TNS2: variants seen among roughly 807,000 people sequenced by gnomAD.
TNS2 encodes tensin-2.
A neutral mutation model predicts 155.7 loss-of-function variants in TNS2; 77 were observed. The observed-to-expected ratio is 0.49, with a 90% CI of 0.41 to 0.60. TNS2 has a LOEUF of 0.60. Among genes scored for constraint, TNS2 ranks in the 20% least tolerant of loss-of-function variants. The pLI, the probability that TNS2 is intolerant of heterozygous loss-of-function variation, is 0.00. For synonymous variants in TNS2, 726 were observed against 763.9 expected, an observed-to-expected ratio of 0.95 and a Z score of 0.82; for missense variants, 1,703 against 1,868.8, an observed-to-expected ratio of 0.91 and a Z score of 1.64.
intron 25 of TNS2, 106 bp downstream of exon 25, chr12:53,062,803 C>A: frequency 1.5e-6 from 2 of 1,373,420 alleles, no homozygotes; most frequent in Non-Finnish European, 2.0e-6. Context: ...GAGCCCTGGC[C>A]AACCCATGAG....
rs755894983 is a variant in TNS2, at chr12:53,061,248, T to C, written c.3342T>C (p.Asn1114=). Residue 1114 remains asparagine (N), a synonymous_variant, in exon 20 of 29, where the codon AAT becomes AAC. Transcript: ENST00000314250. ...HVTFAPLLSD[N]VPQTPEPPTQ... is the part of the protein sequence containing the mutation. ...CCTTCGCACCTCTGCTCTCAGATAA[T>C]GTCCCCCAAACCCCAGGTATAAAGG... The C allele has an allele frequency of 1.3e-6, 2 of 1,568,724 alleles. No homozygotes were observed. Among genetic ancestry groups the C allele is most frequent in the Non-Finnish European group, 1.7e-6 (2 of 1,157,500 alleles).
chr12:53,049,965 C>T, upstream of TNS2: 1 of 1,204,442 alleles, frequency 8.3e-7, no homozygotes, highest in Non-Finnish European at 1.1e-6. Flanking sequence ...TCCTGGCCTC[C>T]CCCACATCCT....
At chr12:53,057,516 G>A in intron 11 of TNS2, 51 bp from the exon 12 acceptor site, 1 of 1,349,010 alleles carries the variant, frequency 7.4e-7, no homozygotes, top group Middle Eastern at 1.8e-4. Context: ...ATGATACAAG[G>A]TGACCTCCAG....
In TNS2 at chr12:53,059,596, A is replaced by G. The variant is rs139615384; in HGVS notation, c.1955A>G (p.Tyr652Cys). Residue 652 changes from tyrosine to cysteine, a missense_variant, in exon 18 of 29, where the codon TAC becomes TGC. Transcript: ENST00000314250. The surrounding 1 kb of genome is among the most constrained non-coding windows in gnomAD (Gnocchi z 4.7). ...TGCCGATCGCTGTCAGAGGGGCTAT[A>G]CCCCTACCCACCTGAGATGGGGAAA... ...RLCRSLSEGL[Y>C]PYPPEMGKPA... The G allele has an allele frequency of 1.9e-6, 3 of 1,610,950 alleles. No homozygotes were observed. In the East Asian group the frequency reaches 6.7e-5, roughly 36 times the overall value.
chr12:53,058,831 C>G lies in TNS2; in HGVS notation c.1405+4C>G, dbSNP rs763021931. On this transcript the variant is annotated splice_donor_region_variant and intron_variant, in intron 17 of 28. Transcript: ENST00000314250. ...CACCACGAGGACAGTGTGGATGGTGCGCAGGCAGCCTGCAGGGTGGGAGGT... is the reference window on the plus strand; with the variant it reads ...CACCACGAGGACAGTGTGGATGGTGGGCAGGCAGCCTGCAGGGTGGGAGGT... 3.7e-6 allele frequency: 6 copies of G among 1,612,484 alleles called. No individual in the cohort carries two copies. The highest frequency in any genetic ancestry group is 5.1e-6 in the Non-Finnish European group (6 of 1,179,672).
rs752379658 is a variant in TNS2, at chr12:53,063,231, C to T, written c.3966C>T (p.Gly1322=). ...AVVHFKVSAQ[G]ITLTDNQRKL... ...TCCACTTCAAGGTGTCAGCCCAGGGCATTACACTGACGGACAACCAAAGGA... is the reference window on the plus strand; with the variant it reads ...TCCACTTCAAGGTGTCAGCCCAGGGTATTACACTGACGGACAACCAAAGGA... Residue 1322 remains glycine, a synonymous_variant, in exon 26 of 29, where the codon GGC becomes GGT. Coordinates refer to ENST00000314250, the MANE Select transcript of TNS2 (RefSeq NM_170754.4). The surrounding 1 kb of genome is among the most constrained non-coding windows in gnomAD (Gnocchi z 5.6). 6.2e-6 allele frequency: 10 copies of T among 1,612,622 alleles called. No homozygotes were observed. In the Admixed American group the frequency reaches 1.5e-4, roughly 24 times the overall value.
chr12:53,052,404 C>T, intron 2 of TNS2, 51 bp from the exon 3 acceptor site: 3 of 1,610,614 alleles, frequency 1.9e-6, no homozygotes, highest in Non-Finnish European at 2.5e-6. Flanking sequence ...CCATTCCTTC[C>T]ACTGTCCCAC....
chr12:53,061,111 A>T lies in TNS2; in HGVS notation c.3205A>T (p.Ser1069Cys). ...TGCCTCCTATGACACCAATGGCCTT[A>T]GCCAGCCCCCACTTCCTGAGAAACG... ...LAASYDTNGL[S>C]QPPLPEKRHL... Residue 1069 changes from serine (S) to cysteine (C), a missense_variant, in exon 20 of 29, where the codon AGC (serine) becomes TGC (cysteine). Physicochemically the swap from Ser to Cys is moderately radical, Grantham distance 112. Coordinates refer to ENST00000314250, the MANE Select transcript of TNS2 (RefSeq NM_170754.4). 1 of 1,611,166 alleles carries T rather than the reference A, an allele frequency of 6.2e-7. No homozygotes were observed. The highest frequency in any genetic ancestry group is 8.5e-7 in the Non-Finnish European group (1 of 1,178,642).
chr12:53,049,261 C>T, upstream of TNS2: 1 of 1,603,196 alleles, frequency 6.2e-7, no homozygotes, highest in Non-Finnish European at 8.5e-7. Flanking sequence ...AGTACTCAGG[C>T]TTCGGGGTTG....
Position 53,063,916 on chromosome 12 carries a change from C to A in TNS2, c.*34C>A, listed in dbSNP as rs1162430959. The A allele has an allele frequency of 3.1e-6, 5 of 1,608,422 alleles. No homozygotes were observed. The highest frequency in any genetic ancestry group is 2.5e-6 in the Non-Finnish European group (3 of 1,176,504). On this transcript the variant is annotated 3_prime_UTR_variant, in exon 29 of 29. Transcript: ENST00000314250. This position sits in a 1 kb window ranked among gnomAD's most constrained non-coding sequence, Gnocchi z 5.6. ...CACAAGCTCAGAGCCCACATCAACA[C>A]TGCCCCCCTCCCAGCACCCCACAGC...
intron 21 of TNS2, 102 bp downstream of exon 21, chr12:53,061,571 G>A: frequency 1.4e-6 from 2 of 1,414,408 alleles, no homozygotes; most frequent in Non-Finnish European, 2.0e-6. Flanking sequence ...CCTCCTGTCT[G>A]AGCTGTGTTT....
chr12:53,048,516 A>G (rs147244457), upstream of TNS2, among the ~76,000 whole-genome samples: 2 of 152,312 alleles, frequency 1.3e-5, no homozygotes, highest in African/African-American at 4.8e-5. Flanking sequence ...CGACAAGGCC[A>G]GGCCCGGTTG....
intron 7 of TNS2, 103 bp from the exon 8 acceptor site, chr12:53,055,083 C>T: frequency 7.2e-7 from 1 of 1,381,294 alleles, no homozygotes; most frequent in Non-Finnish European, 1.0e-6. Context: ...TGCGACCGGC[C>T]TGCACCTTAT....
chr12:53,058,399 A>G lies in TNS2; in HGVS notation c.1179A>G (p.Gly393=). The part of the protein sequence containing the change: ...RVQFHTCTIH[G]PQLTFPKDQL... ...AGTTCCACACCTGCACCATCCACGG[A>G]CCACAGCTCACTTTCCCCAAGGACC... The change falls in exon 15 of 29, where the codon GGA becomes GGG. Residue 393 remains glycine, a synonymous_variant. Coordinates refer to ENST00000314250, the MANE Select transcript of TNS2 (RefSeq NM_170754.4). 6.2e-7 allele frequency: 1 copy of G among 1,614,120 alleles called. No individual in the cohort carries two copies. The highest frequency in any genetic ancestry group is 8.5e-7 in the Non-Finnish European group (1 of 1,180,020).
Position 53,061,866 on chromosome 12 carries a change from G to C in TNS2, c.3500G>C (p.Ser1167Thr). The change falls in exon 22 of 29, where the codon AGT becomes ACT. Residue 1167 changes from serine to threonine, a missense_variant. Ser to Thr is a moderately conservative substitution (Grantham distance 58, BLOSUM62 1). Coordinates refer to ENST00000314250, the MANE Select transcript of TNS2 (RefSeq NM_170754.4). ...KDPGAFLIRD[S>T]HSFQGAYGLA... ...CCTGGGGCCTTCCTGATCAGGGACA[G>C]TCATTCATTCCAAGGAGCTTATGGG... 1.2e-6 allele frequency: 2 copies of C among 1,613,846 alleles called. No individual in the cohort carries two copies. The highest frequency in any genetic ancestry group is 2.7e-5 in the African/African-American group (2 of 75,072).
upstream of TNS2, among the ~76,000 whole-genome samples, chr12:53,048,448 C>G (rs1943806311): frequency 6.6e-6 from 1 of 152,296 alleles, no homozygotes; most frequent in African/African-American, 2.4e-5. Context: ...AGAAAAAAGC[C>G]ACCCCCACTG....
At position 53,063,196 on chromosome 12, in the gene TNS2, C is replaced by T; in HGVS notation, c.3931C>T (p.Pro1311Ser). ...TCTGAGCTGTAGCCCCCGCCCGACA[C>T]CAGCTGTTGTCCACTTCAAGGTGTC... is the stretch of plus-strand genomic sequence containing the variant. ...AALSCSPRPT[P>S]AVVHFKVSAQ... The change falls in exon 26 of 29, where the codon CCA (proline) becomes TCA (serine). Residue 1311 changes from proline to serine, a missense_variant. By Grantham distance (74) the Pro-to-Ser change is moderately conservative (BLOSUM62 -1). Transcript: ENST00000314250. This position sits in a 1 kb window ranked among gnomAD's most constrained non-coding sequence, Gnocchi z 5.6. The T allele has an allele frequency of 6.2e-7, 1 of 1,612,830 alleles. No individual in the cohort carries two copies. The highest frequency in any genetic ancestry group is 8.5e-7 in the Non-Finnish European group (1 of 1,179,642).
Position 53,059,324 on chromosome 12 carries a change from G to C in TNS2, c.1683G>C (p.Thr561=). The change falls in exon 18 of 29, where the codon ACG becomes ACC. Residue 561 remains threonine (T), a synonymous_variant. Coordinates refer to ENST00000314250, the MANE Select transcript of TNS2 (RefSeq NM_170754.4). The surrounding 1 kb of genome is among the most constrained non-coding windows in gnomAD (Gnocchi z 4.7). ...GGGGCCGGGGAGCTGGGCGCGAGACGGCCATCCTAGATGACGAAGAGCAGC... is the reference window on the plus strand; with the variant it reads ...GGGGCCGGGGAGCTGGGCGCGAGACCGCCATCCTAGATGACGAAGAGCAGC... The part of the protein sequence containing the change: ...ASGGRGAGRE[T]AILDDEEQPT... The C allele has an allele frequency of 7.0e-7, 1 of 1,435,426 alleles. No homozygotes were observed. Among genetic ancestry groups the C allele is most frequent in the Non-Finnish European group, 9.1e-7 (1 of 1,094,966 alleles). The allele number at this position is 1,435,426 out of a possible 1,614,324, so 88.9% of individuals were successfully genotyped here.
Position 53,059,645 on chromosome 12 carries a change from C to T in TNS2, c.2004C>T (p.Tyr668=), listed in dbSNP as rs1316457259. Residue 668 remains tyrosine, a synonymous_variant, in exon 18 of 29, where the codon TAC becomes TAT. Transcript: ENST00000314250. The surrounding 1 kb of genome is among the most constrained non-coding windows in gnomAD (Gnocchi z 4.7). ...MGKPATGDFG[Y]RAPGYREVVI... is the part of the protein sequence containing the mutation. ...AACCAGCCACTGGGGACTTTGGCTA[C>T]CGCGCCCCAGGCTACCGGGAGGTGG... 6.2e-7 allele frequency: 1 copy of T among 1,613,390 alleles called. No homozygotes were observed. The highest frequency in any genetic ancestry group is 1.3e-5 in the African/African-American group (1 of 75,040).
Sources: allele counts gnomAD v4.1 joint callset (sites outside exome capture counted in the v4.1 genomes callset), GRCh38; gene constraint gnomAD v4.1.1; non-coding constraint Gnocchi (gnomAD v3.1); transcripts MANE v1.5; gene names NCBI Gene and HGNC (gene_info 2026-07-23, HGNC 2026-07-21).